The following PLSCR2 variants were observed in gnomAD, a reference collection of about 807,000 sequenced individuals.
PLSCR2 encodes the protein phospholipid scramblase 2.
In PLSCR2, 18 loss-of-function variants were observed where a neutral mutation model predicts 25.3. The ratio of observed to expected loss-of-function variants is 0.71; its 90% CI spans 0.49 to 1.06. The LOEUF (loss-of-function observed/expected upper bound fraction) is 1.06. PLSCR2 is among the 50% of genes least tolerant of loss of function. PLSCR2 has a pLI of 0.00. For missense variants in PLSCR2, 243 were observed against 269.5 expected, an observed-to-expected ratio of 0.90 and a Z score of 0.69; for synonymous variants, 88 against 87.3, an observed-to-expected ratio of 1.01 and a Z score of -0.04.
chr3:146,413,354 T>G (rs556226009), intron 2 of PLSCR2, among the ~76,000 whole-genome samples: 1 of 152,338 alleles, frequency 6.6e-6, no homozygotes, highest in South Asian at 2.1e-4. Flanking sequence ...TTTTACTCTT[T>G]ATATGGCTAC....
intron 1 of PLSCR2, among the ~76,000 whole-genome samples, chr3:146,471,621 C>T (rs553609350): frequency 1.3e-5 from 2 of 149,208 alleles, no homozygotes; most frequent in African/African-American, 5.0e-5. Context: ...GACTGGAGTG[C>T]AGTGGCACGA....
At chr3:146,453,863 C>T (rs896108364) in intron 5 of PLSCR2, 139 bp downstream of exon 5, 17 of 599,522 alleles carry the variant, frequency 2.8e-5, no homozygotes, top group Non-Finnish European at 1.8e-5. Context: ...CCACTCTGAC[C>T]AAAGTTAAAT....
intron 1 of PLSCR2, chr3:146,494,999 T>C (rs1378457712): frequency 1.3e-5 from 2 of 152,176 alleles, no homozygotes; most frequent in African/African-American, 4.8e-5. Flanking sequence ...ATTAGATTTA[T>C]ACATGGAAGA....
chr3:146,459,455 C>T (rs1181844406), intron 2 of PLSCR2, among the ~76,000 whole-genome samples: 1 of 152,128 alleles, frequency 6.6e-6, no homozygotes, highest in South Asian at 2.1e-4. Context: ...TATAACTGCT[C>T]TGGACCTCAG....
At chr3:146,447,158 T>C (rs549228656) in intron 6 of PLSCR2, among the ~76,000 whole-genome samples, 2 of 152,308 alleles carry the variant, frequency 1.3e-5, no homozygotes, top group Admixed American at 1.3e-4. Flanking sequence ...GAACATGGAC[T>C]CTAGAGCCCA....
intron 3 of PLSCR2, among the ~76,000 whole-genome samples, chr3:146,392,556 T>A (rs2038114783): frequency 6.6e-6 from 1 of 152,020 alleles, no homozygotes; most frequent in Non-Finnish European, 1.5e-5. Context: ...AATATCATTT[T>A]TATTAACATA....
upstream of PLSCR2, chr3:146,462,087 A>G (rs1209284687): frequency 9.9e-6 from 5 of 505,234 alleles, no homozygotes; most frequent in Non-Finnish European, 1.7e-5. Flanking sequence ...CCTGATATTA[A>G]TATGCTGTCT....
intron 1 of PLSCR2, among the ~76,000 whole-genome samples, chr3:146,485,989 C>G (rs534575078): frequency 6.6e-6 from 1 of 152,066 alleles, no homozygotes; most frequent in Admixed American, 6.6e-5. Context: ...TCAATCATCT[C>G]TTATGGTCTC....
At chr3:146,491,171 C>T (rs1370886699) in intron 1 of PLSCR2, among the ~76,000 whole-genome samples, 1 of 152,058 alleles carries the variant, frequency 6.6e-6, no homozygotes, top group Non-Finnish European at 1.5e-5. Context: ...CTGAATGTAG[C>T]TCCCCAATCT....
chr3:146,421,593 G>T (rs904351481), intron 2 of PLSCR2, among the ~76,000 whole-genome samples: 54 of 152,152 alleles, frequency 3.5e-4, no homozygotes, highest in African/African-American at 1.2e-3. Context: ...CCTCTGTCTG[G>T]CCCACAACCC....
chr3:146,456,017 C>T (rs1475821136), intron 3 of PLSCR2, among the ~76,000 whole-genome samples: 2 of 152,108 alleles, frequency 1.3e-5, no homozygotes, highest in Non-Finnish European at 2.9e-5. Context: ...AAGATCACAT[C>T]GGACTCAGGG....
intron 5 of PLSCR2, among the ~76,000 whole-genome samples, chr3:146,453,369 C>G (rs904744558): frequency 6.6e-6 from 1 of 152,104 alleles, no homozygotes; most frequent in Non-Finnish European, 1.5e-5. Flanking sequence ...GATGGTTAAA[C>G]ATTTGCAACT....
At chr3:146,439,588 C>T (rs1559998476), downstream of PLSCR2, among the ~76,000 whole-genome samples, 2 of 152,094 alleles carry the variant, frequency 1.3e-5, no homozygotes, top group South Asian at 2.1e-4. Context: ...GCATGCATCA[C>T]GTAGTTCTTG....
chr3:146,483,509 AATGT>A (rs2043234149), intron 1 of PLSCR2, among the ~76,000 whole-genome samples: 1 of 127,074 alleles, frequency 7.9e-6, no homozygotes, highest in Non-Finnish European at 1.7e-5. Context: ...ATATATATAT[AATGT>A]TACTACTGGT....
chr3:146,412,739 C>G (rs1252052409), intron 2 of PLSCR2, among the ~76,000 whole-genome samples: 1 of 152,116 alleles, frequency 6.6e-6, no homozygotes, highest in Non-Finnish European at 1.5e-5. Context: ...ACGCAGATAG[C>G]CCCTACTGCT....
At chr3:146,426,299 T>TTCCTTCCC (rs1406488554) in intron 2 of PLSCR2, among the ~76,000 whole-genome samples, 11 of 144,410 alleles carry the variant, frequency 7.6e-5, no homozygotes, top group African/African-American at 1.8e-4. Context: ...CCTTCCTGCC[T>TTCCTTCCC]TCCTTCCCTC....
At chr3:146,454,046 C>A in exon 5 of PLSCR2, 1 of 1,609,848 alleles carries the variant, frequency 6.2e-7, no homozygotes, top group Non-Finnish European at 8.5e-7. Flanking sequence ...ATACATGGAC[C>A]ACTAATTTTT....
At chr3:146,485,736 G>C (rs1486484701) in intron 1 of PLSCR2, among the ~76,000 whole-genome samples, 1 of 152,034 alleles carries the variant, frequency 6.6e-6, no homozygotes, top group Non-Finnish European at 1.5e-5. Flanking sequence ...TCATGCTGCT[G>C]ATAAAGACAT....
chr3:146,433,561 A>G (rs1402485620), intron 8 of PLSCR2, 44 bp from the exon 8 acceptor site: 1 of 152,158 alleles, frequency 6.6e-6, no homozygotes, highest in African/African-American at 2.4e-5. Flanking sequence ...TGGTTGTAAA[A>G]GAGATAATGT....
Sources: allele counts gnomAD v4.1 joint callset (sites outside exome capture counted in the v4.1 genomes callset), GRCh38; gene constraint gnomAD v4.1.1; transcripts MANE v1.5; gene names NCBI Gene and HGNC (gene_info 2026-07-23, HGNC 2026-07-21).